Variants in MAN1C1 observed in about 807,000 individuals in gnomAD.
The protein encoded by MAN1C1 is mannosidase alpha class 1C member 1.
A neutral mutation model predicts 71.5 loss-of-function variants in MAN1C1; 49 were observed. That is an observed-to-expected ratio of 0.69 (90% CI 0.54 to 0.87). MAN1C1 has a LOEUF of 0.87. Among genes scored for constraint, MAN1C1 ranks in the 40% least tolerant of loss-of-function variants. MAN1C1 has a pLI of 0.00. For missense variants in MAN1C1, 743 were observed against 835.0 expected (o/e 0.89, Z 1.36); for synonymous variants, 352 against 343.7 (o/e 1.02, Z -0.27).
chr1:25,737,714 C>T (rs1460820794), intron 2 of MAN1C1, among the ~76,000 whole-genome samples: 2 of 152,020 alleles, frequency 1.3e-5, no homozygotes, highest in Non-Finnish European at 2.9e-5. Flanking sequence ...AGTTGGTGGG[C>T]ATCAATGGGC....
chr1:25,695,111 A>T (rs963613314), intron 2 of MAN1C1, among the ~76,000 whole-genome samples: 1 of 152,148 alleles, frequency 6.6e-6, no homozygotes, highest in Non-Finnish European at 1.5e-5. Context: ...AAAAAAATCC[A>T]TAGCTCCTGG....
intron 2 of MAN1C1, among the ~76,000 whole-genome samples, chr1:25,726,044 G>A (rs1335255843): frequency 6.6e-6 from 1 of 152,248 alleles, no homozygotes; most frequent in East Asian, 1.9e-4. Flanking sequence ...CCTTGGCCTT[G>A]GCCTCTATGA....
chr1:25,718,649 C>G (rs1323036971), intron 2 of MAN1C1, among the ~76,000 whole-genome samples: 1 of 152,102 alleles, frequency 6.6e-6, no homozygotes, highest in East Asian at 1.9e-4. Context: ...ATATATTTGC[C>G]TTTTTTGGAT....
intron 8 of MAN1C1, among the ~76,000 whole-genome samples, chr1:25,774,731 A>G (rs1485026364): frequency 2.0e-5 from 3 of 152,318 alleles, no homozygotes; most frequent in African/African-American, 7.2e-5. Context: ...CAGAGCTGAG[A>G]TTCAAACCCA....
At chr1:25,662,581 C>CAT (rs2045864560) in intron 1 of MAN1C1, among the ~76,000 whole-genome samples, 2 of 151,888 alleles carry the variant, frequency 1.3e-5, no homozygotes, top group Admixed American at 6.6e-5. Context: ...CACACACACA[C>CAT]AAACACGGTT....
At chr1:25,697,095 G>A (rs72875633) in intron 2 of MAN1C1, among the ~76,000 whole-genome samples, 1,720 of 151,644 alleles carry the variant, frequency 0.011, 28 homozygotes, top group African/African-American at 0.039. Flanking sequence ...TTTTCTTTCC[G>A]TTCTGTTCCT....
chr1:25,753,664 G>C lies in MAN1C1; in HGVS notation c.929+86G>C. 1 of 1,217,448 alleles carries C rather than the reference G, an allele frequency of 8.2e-7. No individual in the cohort carries two copies. Among genetic ancestry groups the C allele is most frequent in the Non-Finnish European group, 1.2e-6 (1 of 856,912 alleles). 75.4% of individuals were successfully genotyped at this position (1,217,448 alleles called of 1,614,324 possible). On this transcript the variant is annotated intron_variant, in intron 5 of 11. Transcript: ENST00000374332. The surrounding 1 kb of genome is among the most constrained non-coding windows in gnomAD (Gnocchi z 4.9). ...TTGTCTGGGTGGTGCTGGTGAGGAG[G>C]CTCCAGGGGCAGTAGGCAGGCAAGC...
rs113207909 is a variant in MAN1C1 at position 25,753,531 on chromosome 1, G to A, written c.882G>A (p.Ala294=). Residue 294 remains alanine (A), a synonymous_variant, in exon 5 of 12, where the codon GCG becomes GCA. Transcript: ENST00000374332. This position sits in a 1 kb window ranked among gnomAD's most constrained non-coding sequence, Gnocchi z 4.9. ...AIRLGEKLLP[A]FNTPTGIPKG... is the part of the protein sequence containing the mutation. ...GGCTGGGAGAGAAGCTCCTGCCGGC[G>A]TTCAACACCCCCACGGGAATCCCAA... 10 of 1,613,876 alleles carry A rather than the reference G, an allele frequency of 6.2e-6. No individual in the cohort carries two copies. Among genetic ancestry groups the A allele is most frequent in the South Asian group, 5.5e-5 (5 of 91,054 alleles).
intron 2 of MAN1C1, among the ~76,000 whole-genome samples, chr1:25,701,842 T>C (rs979156106): frequency 9.2e-5 from 14 of 152,136 alleles, no homozygotes; most frequent in African/African-American, 3.4e-4. Context: ...GGTGGATCAC[T>C]TGAGGTCAGG....
chr1:25,652,791 G>A (rs2045712075), intron 1 of MAN1C1, among the ~76,000 whole-genome samples: 1 of 152,138 alleles, frequency 6.6e-6, no homozygotes, highest in Non-Finnish European at 1.5e-5. Flanking sequence ...GCCCGTAGGA[G>A]GTGTTTAATC....
At chr1:25,737,106 G>T (rs756948807) in intron 2 of MAN1C1, among the ~76,000 whole-genome samples, 13 of 152,204 alleles carry the variant, frequency 8.5e-5, no homozygotes, top group Non-Finnish European at 1.8e-4. Context: ...TCTACAGCAC[G>T]GTCAGAGGGA....
chr1:25,633,632 T>C (rs1431883324), intron 1 of MAN1C1, among the ~76,000 whole-genome samples: 2 of 152,144 alleles, frequency 1.3e-5, no homozygotes, highest in African/African-American at 4.8e-5. Flanking sequence ...GTGTGGAATA[T>C]CTTTTTCCAC....
rs186612923 is a variant in MAN1C1, at chr1:25,756,928, C to G, written c.930-1664C>G. Reference sequence around the variant, plus strand: ...ATTCAGATCAGGAGCCAAGTTTCCCCTCCTGTGCAACCCATCCCTCCCCCA... The same window carrying G: ...ATTCAGATCAGGAGCCAAGTTTCCCGTCCTGTGCAACCCATCCCTCCCCCA... On this transcript the variant is annotated intron_variant, in intron 5 of 11. Coordinates refer to ENST00000374332, the MANE Select transcript of MAN1C1 (RefSeq NM_020379.4). 2.5e-3 allele frequency among the ~76,000 whole-genome samples: 376 copies of G among 152,252 alleles called. 6 individuals carry two copies. Among genetic ancestry groups the G allele is most frequent in the South Asian group, 1.7e-3 (8 of 4,816 alleles).
Position 25,771,792 on chromosome 1 carries a change from A to T in MAN1C1, c.1257+20A>T. The T allele has an allele frequency of 6.3e-7, 1 of 1,585,706 alleles. No individual in the cohort carries two copies. The highest frequency in any genetic ancestry group is 8.7e-7 in the Non-Finnish European group (1 of 1,154,460). ...TTGGAGGTAAGACAAGCCCTGGATT[A>T]TTCACAGGCCGCTGGTCACCAGCCC... On this transcript the variant is annotated intron_variant, in intron 8 of 11. Coordinates refer to ENST00000374332, the MANE Select transcript of MAN1C1 (RefSeq NM_020379.4).
At chr1:25,732,643 T>G (rs2046925030) in intron 2 of MAN1C1, among the ~76,000 whole-genome samples, 1 of 152,166 alleles carries the variant, frequency 6.6e-6, no homozygotes. Flanking sequence ...CTGTGGAGGA[T>G]GAGGAAACTG....
At chr1:25,707,539 T>G (rs904549983) in intron 2 of MAN1C1, among the ~76,000 whole-genome samples, 1 of 152,250 alleles carries the variant, frequency 6.6e-6, no homozygotes, top group African/African-American at 2.4e-5. Flanking sequence ...GAAGGTCAGC[T>G]TCTGTTCTGC....
chr1:25,753,694 G>A lies in MAN1C1; in HGVS notation c.929+116G>A. 2 of 830,016 alleles carry A rather than the reference G, an allele frequency of 2.4e-6. No individual in the cohort carries two copies. Among genetic ancestry groups the A allele is most frequent in the Admixed American group, 2.6e-5 (1 of 38,092 alleles). The allele number at this position is 830,016 out of a possible 1,614,324, so 51.4% of individuals were successfully genotyped here. ...AGGGGCAGTAGGCAGGCAAGCAGGA[G>A]GGGGGACCCTTGGGACCACCTCTGT... On this transcript the variant is annotated intron_variant, in intron 5 of 11. Transcript: ENST00000374332. This position sits in a 1 kb window ranked among gnomAD's most constrained non-coding sequence, Gnocchi z 4.9.
intron 7 of MAN1C1, among the ~76,000 whole-genome samples, chr1:25,765,895 A>G (rs1475722563): frequency 2.6e-5 from 4 of 152,238 alleles, no homozygotes; most frequent in Non-Finnish European, 5.9e-5. Context: ...TAACCAAAAC[A>G]CACTGCCGAA....
chr1:25,648,290 A>G (rs3767907), intron 1 of MAN1C1, among the ~76,000 whole-genome samples: 13,274 of 152,254 alleles, frequency 0.087, 1,271 homozygotes, highest in East Asian at 0.22. Context: ...GAAGAGCCAG[A>G]ACTAGAACAC....
Sources: allele counts gnomAD v4.1 joint callset (sites outside exome capture counted in the v4.1 genomes callset), GRCh38; gene constraint gnomAD v4.1.1; non-coding constraint Gnocchi (gnomAD v3.1); transcripts MANE v1.5; gene names NCBI Gene and HGNC (gene_info 2026-07-23, HGNC 2026-07-21).